TSHZ3: variants seen among roughly 807,000 people sequenced by gnomAD.
TSHZ3 encodes the protein teashirt homolog 3.
A neutral mutation model predicts 64.5 loss-of-function variants in TSHZ3; 10 were observed. The ratio of observed to expected loss-of-function variants is 0.16; its 90% CI spans 0.10 to 0.26. The LOEUF (loss-of-function observed/expected upper bound fraction) is 0.26. TSHZ3 is among the 10% of genes least tolerant of loss of function. The pLI, the probability that TSHZ3 is intolerant of heterozygous loss-of-function variation, is 1.00. For synonymous variants in TSHZ3, 608 were observed against 593.1 expected, an observed-to-expected ratio of 1.03 and a Z score of -0.36; for missense variants, 1,242 against 1,421.7, an observed-to-expected ratio of 0.87 and a Z score of 2.03.
At chr19:31,300,254 T>C (rs546890127) in intron 1 of TSHZ3, among the ~76,000 whole-genome samples, 1 of 152,306 alleles carries the variant, frequency 6.6e-6, no homozygotes, top group Non-Finnish European at 1.5e-5. Flanking sequence ...GCCAAATCTA[T>C]ACGTGCTGTA....
chr19:31,335,917 TC>T (rs966679859), intron 1 of TSHZ3, among the ~76,000 whole-genome samples: 1 of 152,074 alleles, frequency 6.6e-6, no homozygotes, highest in Non-Finnish European at 1.5e-5. Flanking sequence ...TGGCAAAAAA[TC>T]CCCGGTGCTG....
At chr19:31,260,074 CA>C (rs1423950483) in intron 1 of TSHZ3, among the ~76,000 whole-genome samples, 7 of 152,124 alleles carry the variant, frequency 4.6e-5, no homozygotes, top group Non-Finnish European at 1.0e-4. Context: ...GTTAATTGTT[CA>C]GAGGGCAGAC....
At chr19:31,206,112 GATGGATGGATGGATGGATAAATGA>G in intron 4 of TSHZ3, among the ~76,000 whole-genome samples, 1 of 147,390 alleles carries the variant, frequency 6.8e-6, no homozygotes, top group South Asian at 2.1e-4. Flanking sequence ...TGGATGGATG[GATGGATGGATGGATGGATAAATGA>G]ATGGATGGAT....
chr19:31,348,588 C>G (rs1000775150), intron 1 of TSHZ3, among the ~76,000 whole-genome samples: 1 of 151,958 alleles, frequency 6.6e-6, no homozygotes, highest in Non-Finnish European at 1.5e-5. Flanking sequence ...GAAACACAAA[C>G]AGGGGAGAAG....
At chr19:31,222,716 T>G (rs1975407275) in intron 4 of TSHZ3, among the ~76,000 whole-genome samples, 1 of 152,206 alleles carries the variant, frequency 6.6e-6, no homozygotes, top group Non-Finnish European at 1.5e-5. Flanking sequence ...CTGAATTGAA[T>G]GGAGTTAATT....
chr19:31,293,030 A>AATCCATCCATCC (rs1042589257), intron 1 of TSHZ3, among the ~76,000 whole-genome samples: 1 of 121,040 alleles, frequency 8.3e-6, no homozygotes, highest in Non-Finnish European at 1.8e-5. Context: ...TCCATCCAAA[A>AATCCATCCATCC]ATCCATCCAT....
chr19:31,331,386 T>G (rs1917088755), intron 1 of TSHZ3, among the ~76,000 whole-genome samples: 1 of 152,220 alleles, frequency 6.6e-6, no homozygotes, highest in African/African-American at 2.4e-5. Context: ...CACTGATATT[T>G]CAGATCTGCT....
At chr19:31,310,832 C>T (rs1916436952) in intron 1 of TSHZ3, among the ~76,000 whole-genome samples, 1 of 152,226 alleles carries the variant, frequency 6.6e-6, no homozygotes, top group Non-Finnish European at 1.5e-5. Flanking sequence ...TAGCACCATG[C>T]CTGGCATGTG....
intron 5 of TSHZ3, among the ~76,000 whole-genome samples, chr19:31,196,035 A>G (rs758304495): frequency 6.6e-6 from 1 of 151,924 alleles, no homozygotes; most frequent in African/African-American, 2.4e-5. Flanking sequence ...ACAGTATTAT[A>G]ATATTATGGT....
chr19:31,260,120 C>T (rs1218560325), intron 1 of TSHZ3, among the ~76,000 whole-genome samples: 1 of 152,164 alleles, frequency 6.6e-6, no homozygotes, highest in Non-Finnish European at 1.5e-5. Context: ...CAGCCCTGAG[C>T]CATCTCCAGG....
At chr19:31,172,154 C>T (rs527528701) in intron 5 of TSHZ3, among the ~76,000 whole-genome samples, 2 of 152,256 alleles carry the variant, frequency 1.3e-5, no homozygotes, top group South Asian at 2.1e-4. Context: ...CTTGGAAGGG[C>T]GGCCGACCAA....
chr19:31,224,430 T>C (rs1201293824), intron 4 of TSHZ3, among the ~76,000 whole-genome samples: 1 of 152,206 alleles, frequency 6.6e-6, no homozygotes, highest in Non-Finnish European at 1.5e-5. Context: ...AACAGCTCAA[T>C]GCATAATCAC....
intron 3 of TSHZ3, among the ~76,000 whole-genome samples, chr19:31,229,935 C>T (rs539590861): frequency 1.3e-5 from 2 of 152,114 alleles, no homozygotes; most frequent in Non-Finnish European, 2.9e-5. Flanking sequence ...AAAATGGGCA[C>T]CCACAGATTG....
At chr19:31,326,574 G>A (rs1019141530) in intron 1 of TSHZ3, among the ~76,000 whole-genome samples, 2 of 152,264 alleles carry the variant, frequency 1.3e-5, no homozygotes, top group African/African-American at 4.8e-5. Flanking sequence ...AGCCTGCACA[G>A]TGAGGGTGGT....
At chr19:31,164,994 C>T (rs1373002941) in intron 5 of TSHZ3, among the ~76,000 whole-genome samples, 1 of 152,226 alleles carries the variant, frequency 6.6e-6, no homozygotes. Flanking sequence ...GGTGGAAAGC[C>T]CACCCTGCCG....
intron 5 of TSHZ3, among the ~76,000 whole-genome samples, chr19:31,201,788 T>C (rs1289389823): frequency 2.0e-5 from 3 of 152,318 alleles, no homozygotes; most frequent in Admixed American, 2.0e-4. Context: ...CAAGTCAGAT[T>C]ACAATATTAA....
chr19:31,244,929 C>A (rs899026157), intron 1 of TSHZ3, among the ~76,000 whole-genome samples: 1 of 152,154 alleles, frequency 6.6e-6, no homozygotes, highest in Admixed American at 6.5e-5. Context: ...TAGGCATGAG[C>A]CACTGCTCCT....
intron 1 of TSHZ3, among the ~76,000 whole-genome samples, chr19:31,320,881 T>C (rs544465021): frequency 6.6e-6 from 1 of 152,278 alleles, no homozygotes; most frequent in East Asian, 1.9e-4. Context: ...TGCGCAGTGT[T>C]CAATTCTGAG....
At chr19:31,307,061 A>C (rs1826745487) in intron 1 of TSHZ3, among the ~76,000 whole-genome samples, 2 of 152,122 alleles carry the variant, frequency 1.3e-5, no homozygotes, top group Admixed American at 1.3e-4. Context: ...AAAAGATAGT[A>C]AATTTTGTTC....
Sources: allele counts gnomAD v4.1 joint callset (sites outside exome capture counted in the v4.1 genomes callset), GRCh38; gene constraint gnomAD v4.1.1; transcripts MANE v1.5; gene names NCBI Gene and HGNC (gene_info 2026-07-23, HGNC 2026-07-21).